The following SPAG17 variants were observed in gnomAD, a reference collection of about 807,000 sequenced individuals.
SPAG17 encodes the protein sperm-associated antigen 17.
A neutral mutation model predicts 273.6 loss-of-function variants in SPAG17; 169 were observed. The ratio of observed to expected loss-of-function variants is 0.62; its 90% CI spans 0.55 to 0.70. SPAG17 has a LOEUF of 0.70. SPAG17 is among the 30% of genes least tolerant of loss of function. The pLI, the probability that SPAG17 is intolerant of heterozygous loss-of-function variation, is 0.00. For synonymous variants in SPAG17, 825 were observed against 873.2 expected (o/e 0.94, Z 0.97); for missense variants, 2,557 against 2,627.8 (o/e 0.97, Z 0.59).
At chr1:118,170,180 T>G (rs1367264256) in intron 1 of SPAG17, among the ~76,000 whole-genome samples, 1 of 152,176 alleles carries the variant, frequency 6.6e-6, no homozygotes, top group Non-Finnish European at 1.5e-5. Flanking sequence ...AGTGAATTAA[T>G]TCAGTATAGA....
intron 28 of SPAG17, among the ~76,000 whole-genome samples, chr1:118,021,670 T>C (rs907072205): frequency 6.6e-6 from 1 of 152,198 alleles, no homozygotes. Flanking sequence ...TTCCACTCAA[T>C]TTTTCTGTAA....
At chr1:118,083,379 GA>G (rs1387545705) in intron 13 of SPAG17, among the ~76,000 whole-genome samples, 1 of 152,194 alleles carries the variant, frequency 6.6e-6, no homozygotes. Flanking sequence ...GTAAAAAATT[GA>G]AAGCCTGTAG....
intron 48 of SPAG17, chr1:117,956,961 C>A: frequency 1.0e-6 from 1 of 975,194 alleles, no homozygotes; most frequent in Non-Finnish European, 1.4e-6. Context: ...AAGATGTATC[C>A]AAGTATAAAA....
At chr1:118,140,851 C>T (rs1658642139) in intron 3 of SPAG17, among the ~76,000 whole-genome samples, 1 of 152,202 alleles carries the variant, frequency 6.6e-6, no homozygotes, top group African/African-American at 2.4e-5. Flanking sequence ...AATAAAACGG[C>T]AAACTCCTTT....
At chr1:117,976,769 A>T (rs527891262) in intron 43 of SPAG17, among the ~76,000 whole-genome samples, 1 of 152,316 alleles carries the variant, frequency 6.6e-6, no homozygotes, top group East Asian at 1.9e-4. Context: ...TGCCATGGAC[A>T]TCCACAGGCC....
rs529800107 is a variant in SPAG17, at chr1:118,184,958, G to A, written c.87+113C>T. 6.1e-5 allele frequency: 55 copies of A among 897,344 alleles called. No homozygotes were observed. The South Asian group carries it at 8.1e-4, about 13-fold the overall frequency. The allele number at this position is 897,344 out of a possible 1,614,324, so 55.6% of individuals were successfully genotyped here. On this transcript the variant is annotated intron_variant, in intron 1 of 48. Coordinates refer to ENST00000336338, the MANE Select transcript of SPAG17 (RefSeq NM_206996.4). ...GGGACCCTGGGTCCTGGAACCATCA[G>A]GCCACGGAGAGATACGGAAGAGAGG... is the stretch of plus-strand genomic sequence containing the variant.
At chr1:118,011,480 C>A (rs1659462743) in intron 30 of SPAG17, among the ~76,000 whole-genome samples, 1 of 152,208 alleles carries the variant, frequency 6.6e-6, no homozygotes, top group East Asian at 1.9e-4. Context: ...AAGAGAAAAC[C>A]AAATACCGCT....
chr1:118,172,305 G>A (rs923942797), intron 1 of SPAG17, among the ~76,000 whole-genome samples: 2 of 152,168 alleles, frequency 1.3e-5, no homozygotes, highest in African/African-American at 4.8e-5. Flanking sequence ...AATCCCTTGA[G>A]TATTAGGAAA....
In SPAG17 at chr1:118,185,166, C is replaced by A. The variant is rs776042064; in HGVS notation, c.-9G>T. 3 of 1,611,634 alleles carry A rather than the reference C, an allele frequency of 1.9e-6. No individual in the cohort carries two copies. The highest frequency in any genetic ancestry group is 2.5e-6 in the Non-Finnish European group (3 of 1,177,716). On this transcript the variant is annotated 5_prime_UTR_variant, in exon 1 of 49. Coordinates refer to ENST00000336338, the MANE Select transcript of SPAG17 (RefSeq NM_206996.4). The stretch of plus-strand genomic sequence containing the variant: ...TCCTTCTTGGGTGCCATGCAAAGGA[C>A]GGGAGAAGCATTGGCCTCTAAACTG...
At position 118,099,788 on chromosome 1, in the gene SPAG17, T is replaced by C; in HGVS notation, c.647A>G (p.Asp216Gly). The change falls in exon 6 of 49, where the codon GAT becomes GGT. Residue 216 changes from aspartate to glycine, a missense_variant. Physicochemically the swap from Asp to Gly is moderately conservative, Grantham distance 94 (BLOSUM62 -1). Transcript: ENST00000336338. Reference sequence around the variant, plus strand: ...TATAATGTAATGTTGGGCACCATCATCTGGCTCATCGTCTGTTCAAAATAC... The same window carrying C: ...TATAATGTAATGTTGGGCACCATCACCTGGCTCATCGTCTGTTCAAAATAC... The part of the protein sequence containing the change: ...HTNRYIDDEP[D>G]DGAQHYIIVV... The C allele has an allele frequency of 6.2e-7, 1 of 1,612,274 alleles. No homozygotes were observed.
At chr1:118,134,758 T>C (rs1428591560) in intron 3 of SPAG17, among the ~76,000 whole-genome samples, 2 of 152,136 alleles carry the variant, frequency 1.3e-5, no homozygotes, top group East Asian at 1.9e-4. Flanking sequence ...CCAATTTCCC[T>C]CCTTATACAC....
rs993346244 is a variant in SPAG17, at chr1:118,159,943, G to T, written c.88-8574C>A. ...TTAGTACAATCCAACCAGTTTTATG[G>T]CTTGGAGCAAAATCTGAGGTTCAAA... On this transcript the variant is annotated intron_variant, in intron 1 of 48. Coordinates refer to ENST00000336338, the MANE Select transcript of SPAG17 (RefSeq NM_206996.4). 1.3e-5 allele frequency among the ~76,000 whole-genome samples: 2 copies of T among 152,126 alleles called. 1 individual carries two copies. Among genetic ancestry groups the T allele is most frequent in the Non-Finnish European group, 2.9e-5 (2 of 68,026 alleles).
chr1:118,104,228 A>T (rs1252636459), intron 4 of SPAG17, among the ~76,000 whole-genome samples: 1 of 152,144 alleles, frequency 6.6e-6, no homozygotes, highest in East Asian at 1.9e-4. Context: ...GGATATTGAA[A>T]CTTCATGGGT....
Position 117,971,975 on chromosome 1 carries a change from AT to A in SPAG17, c.6213del (p.Ser2072ProfsTer27). ...GGGAGAAGATGGAACCCAAAAAGGG[AT>A]GACTTTGCATTATTAATGGCAGCAG... is the stretch of plus-strand genomic sequence containing the variant. ...VASAAINNAK[S>X]SLFGFHLLPS... On this transcript the variant is annotated frameshift_variant, in exon 45 of 49. Coordinates refer to ENST00000336338, the MANE Select transcript of SPAG17 (RefSeq NM_206996.4). LOFTEE classifies it high-confidence loss of function. 6.2e-7 allele frequency: 1 copy of A among 1,614,156 alleles called. No individual in the cohort carries two copies. The highest frequency in any genetic ancestry group is 1.1e-5 in the South Asian group (1 of 91,082).
intron 3 of SPAG17, among the ~76,000 whole-genome samples, chr1:118,120,325 A>G (rs997039629): frequency 1.4e-5 from 2 of 143,728 alleles, no homozygotes; most frequent in Non-Finnish European, 3.2e-5. Flanking sequence ...ATTGATTAAA[A>G]TTAAAATTAA....
In SPAG17 at chr1:118,066,912, A is replaced by G; in HGVS notation, c.2386-13T>C. On this transcript the variant is annotated splice_polypyrimidine_tract_variant and intron_variant, in intron 17 of 48. Transcript: ENST00000336338. ...CTTCTTGAAGGACCTGAAAATCAAAATAATTGCATTGTAGAATCTTTTTTA... is the reference window on the plus strand; with the variant it reads ...CTTCTTGAAGGACCTGAAAATCAAAGTAATTGCATTGTAGAATCTTTTTTA... 6.3e-7 allele frequency: 1 copy of G among 1,596,172 alleles called. No homozygotes were observed. Among genetic ancestry groups the G allele is most frequent in the Non-Finnish European group, 8.5e-7 (1 of 1,174,716 alleles).
chr1:117,972,046 A>G lies in SPAG17; in HGVS notation c.6143T>C (p.Val2048Ala). Reference sequence around the variant, plus strand: ...CACTTTTCCTCCAACAGAATCTTGCACCTTTGCATTAAGAAAAAATTAATA... The same window carrying G: ...CACTTTTCCTCCAACAGAATCTTGCGCCTTTGCATTAAGAAAAAATTAATA... ...SKPKSQPLAK[V>A]QDSVGGKVNT... The change falls in exon 45 of 49, where the codon GTG (valine) becomes GCG (alanine). Residue 2048 changes from valine to alanine, a missense_variant and splice_region_variant. Coordinates refer to ENST00000336338, the MANE Select transcript of SPAG17 (RefSeq NM_206996.4). 1 of 1,597,560 alleles carries G rather than the reference A, an allele frequency of 6.3e-7. No homozygotes were observed. Among genetic ancestry groups the G allele is most frequent in the South Asian group, 1.1e-5 (1 of 87,614 alleles).
At chr1:118,014,306 A>G (rs1272387774) in intron 29 of SPAG17, among the ~76,000 whole-genome samples, 1 of 152,220 alleles carries the variant, frequency 6.6e-6, no homozygotes, top group African/African-American at 2.4e-5. Flanking sequence ...TGGTGTTTTT[A>G]ATTCATGCTT....
intron 3 of SPAG17, among the ~76,000 whole-genome samples, chr1:118,135,679 G>A (rs1273550439): frequency 6.6e-6 from 1 of 152,114 alleles, no homozygotes; most frequent in Non-Finnish European, 1.5e-5. Context: ...TTCTGCATGG[G>A]GAATGCTATG....
Sources: gnomAD v4.1 joint callset for allele counts (sites outside exome capture counted in the v4.1 genomes callset) on GRCh38, gnomAD v4.1.1 for gene constraint, MANE v1.5 for transcripts, NCBI Gene and HGNC (gene_info 2026-07-23, HGNC 2026-07-21) for gene names.